The following INSR variants were observed in gnomAD, a reference collection of about 807,000 sequenced individuals.
INSR encodes the protein insulin receptor.
A neutral mutation model predicts 142.6 loss-of-function variants in INSR; 67 were observed. The ratio of observed to expected loss-of-function variants is 0.47; its 90% CI spans 0.39 to 0.58. The LOEUF (loss-of-function observed/expected upper bound fraction) is 0.58. Ranked by LOEUF, INSR falls within the 20% of genes least tolerant of loss-of-function variation. The pLI is 0.00. For missense variants in INSR, 1,248 were observed against 1,833.2 expected (o/e 0.68, Z 5.83); for synonymous variants, 756 against 743.1 (o/e 1.02, Z -0.28).
At chr19:7,194,678 ATT>A (rs35692691) in intron 2 of INSR, among the ~76,000 whole-genome samples, 76,614 of 110,878 alleles carry the variant, frequency 0.69, 26,005 homozygotes, top group Middle Eastern at 0.71. Context: ...ACACCAACTG[ATT>A]TTTTTTTTTT....
At chr19:7,151,622 T>C (rs1167579247) in intron 10 of INSR, among the ~76,000 whole-genome samples, 6 of 151,674 alleles carry the variant, frequency 4.0e-5, no homozygotes, top group African/African-American at 7.3e-5. Flanking sequence ...AGTAACCACT[T>C]TGAAGCCTTG....
At chr19:7,199,397 T>A (rs1029342625) in intron 2 of INSR, among the ~76,000 whole-genome samples, 1 of 151,496 alleles carries the variant, frequency 6.6e-6, no homozygotes, top group African/African-American at 2.4e-5. Flanking sequence ...TTTGATTTTT[T>A]AAATTTGTTT....
Position 7,168,505 on chromosome 19 carries a change from T to G in INSR, c.1484-411A>C, listed in dbSNP as rs997555759. On this transcript the variant is annotated intron_variant, in intron 6 of 21. Coordinates refer to ENST00000302850, the MANE Select transcript of INSR (RefSeq NM_000208.4). This position sits in a 1 kb window ranked among gnomAD's most constrained non-coding sequence, Gnocchi z 4.3. ...TGCAACTCCAGTGCAAATAAACCTA[T>G]GCCAAGTGAGTTTAGAGACCCTGCA... Among the ~76,000 whole-genome samples the G allele has an allele frequency of 2.0e-5, 3 of 152,170 alleles. No homozygotes were observed. The highest frequency in any genetic ancestry group is 4.4e-5 in the Non-Finnish European group (3 of 68,030).
chr19:7,224,243 ATT>A (rs11387492), intron 2 of INSR, among the ~76,000 whole-genome samples: 3 of 137,324 alleles, frequency 2.2e-5, no homozygotes, highest in African/African-American at 2.7e-5. Context: ...CACCAGGCCA[ATT>A]TTTTTTTTTT....
intron 2 of INSR, among the ~76,000 whole-genome samples, chr19:7,187,137 A>G (rs1974452895): frequency 6.6e-6 from 1 of 151,850 alleles, no homozygotes; most frequent in Admixed American, 6.6e-5. Flanking sequence ...GCTGGAGTGC[A>G]GTGACTCGAT....
chr19:7,169,721 T>C (rs1179943954), intron 6 of INSR, among the ~76,000 whole-genome samples: 1 of 152,138 alleles, frequency 6.6e-6, no homozygotes, highest in Admixed American at 6.6e-5. Context: ...TTACTCAACT[T>C]TGAAGTCTTC....
At chr19:7,195,511 C>T (rs771588479) in intron 2 of INSR, among the ~76,000 whole-genome samples, 6 of 152,010 alleles carry the variant, frequency 3.9e-5, no homozygotes, top group Middle Eastern at 3.4e-3. Context: ...GGTGTGGTGG[C>T]GCATGCCTGT....
intron 10 of INSR, chr19:7,152,469 G>A: frequency 3.7e-6 from 2 of 534,596 alleles, no homozygotes; most frequent in Non-Finnish European, 6.8e-6. Context: ...ACCAGCTCAG[G>A]AGAGGTAAGA....
chr19:7,280,258 C>T (rs188192172), intron 1 of INSR, among the ~76,000 whole-genome samples: 4 of 151,340 alleles, frequency 2.6e-5, no homozygotes, highest in Admixed American at 2.0e-4. Flanking sequence ...AGCGAGACTC[C>T]GTCTCATAAC....
chr19:7,169,576 CAAAAAAAAAA>C (rs74174872), intron 6 of INSR, among the ~76,000 whole-genome samples: 2 of 94,806 alleles, frequency 2.1e-5, no homozygotes, highest in Admixed American at 1.3e-4. Context: ...GACTCTGTCC[CAAAAAAAAAA>C]AAAAAAAAAA....
intron 13 of INSR, among the ~76,000 whole-genome samples, chr19:7,136,227 G>A (rs1972923199): frequency 6.6e-6 from 1 of 152,140 alleles, no homozygotes; most frequent in Admixed American, 6.6e-5. Flanking sequence ...GGGGTTGAGA[G>A]TGGGAGGTGA....
At position 7,119,600 on chromosome 19, in the gene INSR, ATAG is replaced by A. The variant is rs748736656; in HGVS notation, c.3660-20_3660-18del. On this transcript the variant is annotated intron_variant, in intron 20 of 21. Transcript: ENST00000302850. This position sits in a 1 kb window ranked among gnomAD's most constrained non-coding sequence, Gnocchi z 5.2. Reference sequence around the variant, plus strand: ...CCAAAGGACCTGCCGATGACAGTTGATAGTAGTAACAAAGAAGCCATTTAGACA... The same window carrying A: ...CCAAAGGACCTGCCGATGACAGTTGATAGTAACAAAGAAGCCATTTAGACA... The A allele has an allele frequency of 6.8e-6, 11 of 1,613,806 alleles. No homozygotes were observed. The East Asian group carries it at 2.5e-4, about 36-fold the overall frequency.
intron 2 of INSR, among the ~76,000 whole-genome samples, chr19:7,251,761 C>G (rs1052063661): frequency 3.3e-5 from 5 of 151,926 alleles, no homozygotes; most frequent in Non-Finnish European, 7.4e-5. Context: ...ATTTCTCAAC[C>G]AGAGTTAGGG....
At chr19:7,238,291 G>A (rs1183595715) in intron 2 of INSR, among the ~76,000 whole-genome samples, 1 of 152,040 alleles carries the variant, frequency 6.6e-6, no homozygotes, top group South Asian at 2.1e-4. Flanking sequence ...AAACGTCCAC[G>A]GGCAGGAGAT....
chr19:7,293,775 CG>C lies in INSR; in HGVS notation c.100+16del. ...CATCGCGGCGCTCCCCGCCCACGCC[CG>C]CGCCCCCAGACTCACCCTCTCCGGG... On this transcript the variant is annotated intron_variant, in intron 1 of 21. Coordinates refer to ENST00000302850, the MANE Select transcript of INSR (RefSeq NM_000208.4). 1 of 1,334,260 alleles carries C rather than the reference CG, an allele frequency of 7.5e-7. No individual in the cohort carries two copies. Among genetic ancestry groups the C allele is most frequent in the Non-Finnish European group, 9.6e-7 (1 of 1,036,916 alleles). The allele number at this position is 1,334,260 out of a possible 1,614,324, so 82.7% of individuals were successfully genotyped here.
In INSR at chr19:7,116,043, A is replaced by T. The variant is rs1328867412; in HGVS notation, c.*1013T>A. 1.3e-5 allele frequency: 2 copies of T among 150,308 alleles called. No individual in the cohort carries two copies. Among genetic ancestry groups the T allele is most frequent in the Non-Finnish European group, 3.0e-5 (2 of 67,704 alleles). 9.3% of individuals were successfully genotyped at this position (150,308 alleles called of 1,614,324 possible). On this transcript the variant is annotated 3_prime_UTR_variant, in exon 22 of 22. Coordinates refer to ENST00000302850, the MANE Select transcript of INSR (RefSeq NM_000208.4). ...ATACCAGAGACTTTAAAAATTAAAT[A>T]TGGTACAAATATATTCTCAAAACTC...
At chr19:7,128,478 T>C (rs1038432359) in intron 15 of INSR, among the ~76,000 whole-genome samples, 5 of 152,140 alleles carry the variant, frequency 3.3e-5, no homozygotes, top group Non-Finnish European at 7.3e-5. Context: ...CCTCCCAAAG[T>C]GCTAGCATTA....
At chr19:7,200,507 G>C (rs1036095838) in intron 2 of INSR, among the ~76,000 whole-genome samples, 1 of 150,582 alleles carries the variant, frequency 6.6e-6, no homozygotes, top group Non-Finnish European at 1.5e-5. Flanking sequence ...CTGGGCAACA[G>C]AGCAAGACCT....
chr19:7,210,058 C>G (rs772974131), intron 2 of INSR, among the ~76,000 whole-genome samples: 9 of 151,798 alleles, frequency 5.9e-5, no homozygotes, highest in Non-Finnish European at 1.2e-4. Flanking sequence ...AGGGAGAACG[C>G]CAAGAGCCAG....
Sources: gnomAD v4.1 joint callset for allele counts (sites outside exome capture counted in the v4.1 genomes callset) on GRCh38, gnomAD v4.1.1 for gene constraint, Gnocchi (gnomAD v3.1) non-coding constraint, MANE v1.5 for transcripts, NCBI Gene and HGNC (gene_info 2026-07-23, HGNC 2026-07-21) for gene names.